Variants in KIF5B observed in about 807,000 individuals in gnomAD.
KIF5B encodes kinesin family member 5B, also known as kinesin-1 heavy chain.
In KIF5B, 49 loss-of-function variants were observed where a neutral mutation model predicts 132.8. The observed-to-expected ratio is 0.37, with a 90% confidence interval of 0.29 to 0.47. The LOEUF (loss-of-function observed/expected upper bound fraction) is 0.47, where lower values mean the gene tolerates loss of function less well. Among genes scored for constraint, KIF5B ranks in the 20% least tolerant of loss-of-function variants. KIF5B has a pLI of 1.00. For synonymous variants in KIF5B, 355 were observed against 369.4 expected (o/e 0.96, Z 0.45); for missense variants, 780 against 1,144.0 (o/e 0.68, Z 4.59).
intron 25 of KIF5B, 36 bp downstream of exon 25, chr10:32,015,473 C>A: frequency 6.9e-7 from 1 of 1,456,800 alleles, no homozygotes; most frequent in Non-Finnish European, 9.2e-7. Context: ...CAATTTTCCA[C>A]AAACAGATAT....
intron 8 of KIF5B, 124 bp downstream of exon 8, chr10:32,037,130 A>C: frequency 2.4e-6 from 2 of 825,054 alleles, no homozygotes; most frequent in East Asian, 2.6e-5. Flanking sequence ...CAGCGGTTAC[A>C]AATCTCAGGT....
chr10:32,040,966 T>G (rs1395533059), intron 2 of KIF5B, among the ~76,000 whole-genome samples: 1 of 143,726 alleles, frequency 7.0e-6, no homozygotes, highest in Non-Finnish European at 1.5e-5. Flanking sequence ...CCAGTCTGGG[T>G]GACAGAGTAA....
intron 20 of KIF5B, among the ~76,000 whole-genome samples, chr10:32,019,634 C>G (rs1239519975): frequency 6.6e-6 from 1 of 152,090 alleles, no homozygotes; most frequent in Non-Finnish European, 1.5e-5. Flanking sequence ...TAAAGAGAAA[C>G]CTTAATCTTA....
intron 25 of KIF5B, among the ~76,000 whole-genome samples, chr10:32,013,918 T>C (rs887443578): frequency 6.6e-6 from 1 of 152,226 alleles, no homozygotes; most frequent in African/African-American, 2.4e-5. Context: ...ACGTTTAAAA[T>C]TGCTAGAAAT....
At chr10:32,038,920 G>T in intron 4 of KIF5B, 94 bp from the exon 5 acceptor site, 1 of 759,224 alleles carries the variant, frequency 1.3e-6, no homozygotes, top group Non-Finnish European at 2.2e-6. Flanking sequence ...TTAGACTAGA[G>T]AGACAGTTAT....
chr10:32,050,381 T>C (rs1328876523), intron 1 of KIF5B, among the ~76,000 whole-genome samples: 1 of 152,202 alleles, frequency 6.6e-6, no homozygotes, highest in Non-Finnish European at 1.5e-5. Flanking sequence ...GGCGGTCTGT[T>C]CGAGGTCTCT....
In KIF5B at chr10:32,019,878, G is replaced by A. The variant is rs774844387; in HGVS notation, c.2286C>T (p.Ser762=). The A allele has an allele frequency of 6.2e-7, 1 of 1,606,042 alleles. No homozygotes were observed. The highest frequency in any genetic ancestry group is 8.5e-7 in the Non-Finnish European group (1 of 1,175,102). ...CTCACGTAAGTTCATGTAGTTTTCT[G>A]CTCTTTTCCTGATCTGTGGCTTTCA... The part of the protein sequence containing the change: ...EKLKATDQEK[S]RKLHELTVMQ... Residue 762 remains serine, a synonymous_variant, in exon 20 of 26, where the codon AGC becomes AGT. Transcript: ENST00000302418.
chr10:32,030,515 C>CAAA (rs36044885), intron 14 of KIF5B, among the ~76,000 whole-genome samples: 2 of 122,580 alleles, frequency 1.6e-5, no homozygotes, highest in Non-Finnish European at 1.7e-5. Flanking sequence ...AACTTTGTCT[C>CAAA]AAAAAAAAAA....
chr10:32,019,056 T>C (rs754204683), intron 20 of KIF5B, among the ~76,000 whole-genome samples: 24 of 152,132 alleles, frequency 1.6e-4, no homozygotes, highest in African/African-American at 5.3e-4. Context: ...ATTCCATATA[T>C]AGCAATGGAA....
intron 13 of KIF5B, among the ~76,000 whole-genome samples, 163 bp from the exon 14 acceptor site, chr10:32,031,442 C>T (rs1324546866): frequency 6.6e-6 from 1 of 152,110 alleles, no homozygotes; most frequent in Non-Finnish European, 1.5e-5. Context: ...CAACTATGTG[C>T]AGGCACTGTG....
intron 25 of KIF5B, among the ~76,000 whole-genome samples, chr10:32,013,080 T>C (rs951871883): frequency 7.9e-5 from 12 of 151,948 alleles, no homozygotes; most frequent in Admixed American, 7.2e-4. Context: ...TTTGTATTTT[T>C]AGTAGAGGCA....
At position 32,009,870 on chromosome 10, in the gene KIF5B, G is replaced by C. The variant is rs1841050636; in HGVS notation, c.*1667C>G. On this transcript the variant is annotated 3_prime_UTR_variant, in exon 26 of 26. Transcript: ENST00000302418. ...TCTCAATTTTTGGAGTGTTTCTTCTGATCAATCCTAAAAGCAACACAATCA... is the reference window on the plus strand; with the variant it reads ...TCTCAATTTTTGGAGTGTTTCTTCTCATCAATCCTAAAAGCAACACAATCA... 6.6e-6 allele frequency: 1 copy of C among 151,928 alleles called. No homozygotes were observed. The highest frequency in any genetic ancestry group is 2.1e-4 in the South Asian group (1 of 4,828). The allele number at this position is 151,928 out of a possible 1,614,324, so 9.4% of individuals were successfully genotyped here.
At chr10:32,012,509 G>A (rs1841097597) in intron 25 of KIF5B, among the ~76,000 whole-genome samples, 1 of 152,152 alleles carries the variant, frequency 6.6e-6, no homozygotes. Flanking sequence ...CCCCAATCAT[G>A]GTTTAAGATA....
At position 32,043,254 on chromosome 10, in the gene KIF5B, C is replaced by T. The variant is rs192941859; in HGVS notation, c.215-2797G>A. Among the ~76,000 whole-genome samples, 211 of 152,304 alleles carry T rather than the reference C, an allele frequency of 1.4e-3. 2 individuals carry two copies. Among genetic ancestry groups the T allele is most frequent in the South Asian group, 3.7e-3 (18 of 4,832 alleles). On this transcript the variant is annotated intron_variant, in intron 2 of 25. Transcript: ENST00000302418. ...CTGACCTCAGGAGATTCGCCCACTTCGGCCTCCCAAAATGCTAGGATTACA... is the reference window on the plus strand; with the variant it reads ...CTGACCTCAGGAGATTCGCCCACTTTGGCCTCCCAAAATGCTAGGATTACA...
intron 25 of KIF5B, among the ~76,000 whole-genome samples, chr10:32,012,792 C>G (rs750825805): frequency 2.6e-5 from 4 of 152,106 alleles, no homozygotes; most frequent in Non-Finnish European, 4.4e-5. Context: ...GATAAACTTT[C>G]TATCTATGCT....
rs182324493 is a variant in KIF5B at position 32,034,032 on chromosome 10, G to A, written c.1118C>T (p.Thr373Met). ...GTCAAACTGTTCATCAATAGGCACC[G>A]TCTCCCCTAAAATAAGAAAATAAAG... ...NELNRWRNGE[T>M]VPIDEQFDKE... The change falls in exon 12 of 26, where the codon ACG (threonine) becomes ATG (methionine). Residue 373 changes from threonine to methionine, a missense_variant. Physicochemically the swap from Thr to Met is moderately conservative, Grantham distance 81. Around this residue, in one of 9 missense-constraint regions of KIF5B, gnomAD observed 471 missense variants for 569.9 expected, o/e 0.83. Coordinates refer to ENST00000302418, the MANE Select transcript of KIF5B (RefSeq NM_004521.3). The A allele has an allele frequency of 2.8e-4, 432 of 1,551,136 alleles. 2 individuals are homozygous for A. Among genetic ancestry groups the A allele is most frequent in the Admixed American group, 1.1e-3 (51 of 48,406 alleles).
At chr10:32,050,634 G>C (rs1248207318) in intron 1 of KIF5B, among the ~76,000 whole-genome samples, 1 of 152,168 alleles carries the variant, frequency 6.6e-6, no homozygotes, top group African/African-American at 2.4e-5. Context: ...ATTAGCTGTT[G>C]GTTTTTCCTC....
chr10:32,022,302 A>G (rs1450790385), intron 16 of KIF5B, 45 bp from the exon 17 acceptor site: 1 of 880,478 alleles, frequency 1.1e-6, no homozygotes, highest in Admixed American at 2.0e-5. Flanking sequence ...ACATATGCAT[A>G]CACTTTAAGA....
intron 15 of KIF5B, among the ~76,000 whole-genome samples, chr10:32,027,794 G>C (rs1453543783): frequency 6.6e-6 from 1 of 151,920 alleles, no homozygotes; most frequent in Non-Finnish European, 1.5e-5. Context: ...GTAGGGACAA[G>C]GTCTTGCCAC....
Sources: allele counts gnomAD v4.1 joint callset (sites outside exome capture counted in the v4.1 genomes callset), GRCh38; gene constraint gnomAD v4.1.1; regional missense constraint gnomAD v4.1.1; transcripts MANE v1.5; gene names NCBI Gene and HGNC (gene_info 2026-07-23, HGNC 2026-07-21).